Variants in ANGPTL2 observed in about 807,000 individuals in gnomAD.
ANGPTL2 encodes the protein angiopoietin-related protein 2.
A neutral mutation model predicts 52.8 loss-of-function variants in ANGPTL2; 25 were observed. The ratio of observed to expected loss-of-function variants is 0.47; its 90% CI spans 0.35 to 0.66. The LOEUF (loss-of-function observed/expected upper bound fraction) is 0.66. ANGPTL2 is among the 30% of genes least tolerant of loss of function. The probability of loss-of-function intolerance (pLI) is 0.01; values close to 1 mark genes in which losing one functional copy is unlikely to be tolerated. For synonymous variants in ANGPTL2, 276 were observed against 277.4 expected, an observed-to-expected ratio of 1.00 and a Z score of 0.05; for missense variants, 546 against 656.9, an observed-to-expected ratio of 0.83 and a Z score of 1.84.
rs527550287 is a variant in ANGPTL2, at chr9:127,092,108, A to G, written c.1012-168T>C. On this transcript the variant is annotated intron_variant, in intron 3 of 4. Transcript: ENST00000373425. ...ACCTCTTAATCTCTCCATGACTCAC[A>G]CATTATTCAAAAATATGTAGAGTGC... Among the ~76,000 whole-genome samples, 28 of 152,294 alleles carry G rather than the reference A, an allele frequency of 1.8e-4. No individual in the cohort carries two copies. In the South Asian group the frequency reaches 2.3e-3, roughly 12 times the overall value.
At chr9:127,118,314 T>G (rs1302800485) in intron 1 of ANGPTL2, among the ~76,000 whole-genome samples, 1 of 152,200 alleles carries the variant, frequency 6.6e-6, no homozygotes, top group Non-Finnish European at 1.5e-5. Flanking sequence ...AACACAGTTT[T>G]GTCATAGAAA....
intron 3 of ANGPTL2, 126 bp downstream of exon 3, chr9:127,093,607 G>T: frequency 8.5e-7 from 1 of 1,177,030 alleles, no homozygotes; most frequent in Non-Finnish European, 1.2e-6. Context: ...GTGTTGTTGG[G>T]GCCGCACAGG....
intron 1 of ANGPTL2, among the ~76,000 whole-genome samples, chr9:127,112,938 A>ACTAGTG (rs2054998436): frequency 6.6e-6 from 1 of 152,180 alleles, no homozygotes; most frequent in African/African-American, 2.4e-5. Context: ...TGTTATGCCC[A>ACTAGTG]TTTCTAGGCT....
intron 2 of ANGPTL2, among the ~76,000 whole-genome samples, chr9:127,104,125 C>G (rs2053997467): frequency 6.6e-6 from 1 of 152,136 alleles, no homozygotes; most frequent in Non-Finnish European, 1.5e-5. Context: ...TTTTATGGCC[C>G]CTTCTTCTTC....
rs768611385 is a variant in ANGPTL2 at position 127,108,064 on chromosome 9, C to T, written c.668G>A (p.Arg223Gln). ...VPQPPPAAPP[R>Q]VYQPPTYNRI... ...GTTGTAGGTGGGTGGTTGGTAGACCCGGGGCGGGGCAGCGGGGGGTGGCTG... is the reference window on the plus strand; with the variant it reads ...GTTGTAGGTGGGTGGTTGGTAGACCTGGGGCGGGGCAGCGGGGGGTGGCTG... Residue 223 changes from arginine to glutamine, a missense_variant, in exon 2 of 5, where the codon CGG becomes CAG. Arg to Gln is a conservative substitution (Grantham distance 43, BLOSUM62 1). This residue lies in a region of ANGPTL2 where 285 missense variants were observed against 295.8 expected (regional missense o/e 0.96). Coordinates refer to ENST00000373425, the MANE Select transcript of ANGPTL2 (RefSeq NM_012098.3). 25 of 924,476 alleles carry T rather than the reference C, an allele frequency of 2.7e-5. No individual in the cohort carries two copies. In the East Asian group the frequency reaches 2.9e-4, roughly 11 times the overall value. The allele number at this position is 924,476 out of a possible 1,614,324, so 57.3% of individuals were successfully genotyped here.
intron 1 of ANGPTL2, 73 bp from the exon 2 acceptor site, chr9:127,108,853 G>A: frequency 9.1e-7 from 1 of 1,101,956 alleles, no homozygotes; most frequent in Non-Finnish European, 1.3e-6. Context: ...AGTGATCCCA[G>A]CCTTCTCGCC....
chr9:127,101,389 C>G (rs1368611543), intron 2 of ANGPTL2, among the ~76,000 whole-genome samples: 1 of 152,166 alleles, frequency 6.6e-6, no homozygotes, highest in Non-Finnish European at 1.5e-5. Flanking sequence ...ATCTGTGTCC[C>G]CATAAGACTG....
chr9:127,119,110 G>A (rs893060873), intron 1 of ANGPTL2, among the ~76,000 whole-genome samples: 2 of 152,156 alleles, frequency 1.3e-5, no homozygotes, highest in East Asian at 1.9e-4. Context: ...AGACAGTATC[G>A]CAGAGCACCC....
At chr9:127,089,999 G>A (rs1185277117) in intron 4 of ANGPTL2, among the ~76,000 whole-genome samples, 3 of 152,236 alleles carry the variant, frequency 2.0e-5, no homozygotes, top group Admixed American at 6.5e-5. Flanking sequence ...GGCCGAGGCC[G>A]TGGGATGAGG....
At chr9:127,121,644 G>A (rs978985128) in intron 1 of ANGPTL2, among the ~76,000 whole-genome samples, 10 of 152,196 alleles carry the variant, frequency 6.6e-5, no homozygotes, top group African/African-American at 2.4e-4. Context: ...CTGTCCCCTT[G>A]CGGGGGTACC....
At chr9:127,092,070 A>AT in intron 3 of ANGPTL2, 130 bp from the exon 4 acceptor site, 5 of 1,092,536 alleles carry the variant, frequency 4.6e-6, no homozygotes, top group Non-Finnish European at 5.3e-6. Context: ...GACCTGGTTC[A>AT]GACCCCTACT....
intron 2 of ANGPTL2, among the ~76,000 whole-genome samples, chr9:127,106,643 C>T (rs1170162194): frequency 6.6e-6 from 1 of 152,206 alleles, no homozygotes. Flanking sequence ...CGCCTGCTCT[C>T]AATCCTGCAC....
chr9:127,117,598 C>T (rs1211344245), intron 1 of ANGPTL2, among the ~76,000 whole-genome samples: 1 of 152,216 alleles, frequency 6.6e-6, no homozygotes, highest in East Asian at 1.9e-4. Context: ...GGCACCTGAC[C>T]TAGCCTCAGA....
chr9:127,089,773 A>G (rs2052234965), intron 4 of ANGPTL2, among the ~76,000 whole-genome samples: 1 of 152,240 alleles, frequency 6.6e-6, no homozygotes, highest in Admixed American at 6.5e-5. Context: ...AAGGACAAGC[A>G]GTTCAGAACA....
chr9:127,111,495 A>T (rs2054807290), intron 1 of ANGPTL2, among the ~76,000 whole-genome samples: 1 of 152,234 alleles, frequency 6.6e-6, no homozygotes, highest in Admixed American at 6.5e-5. Flanking sequence ...ACCTGCCAAC[A>T]GCTGCTGAGC....
At chr9:127,119,129 G>A (rs900268192) in intron 1 of ANGPTL2, among the ~76,000 whole-genome samples, 3 of 152,160 alleles carry the variant, frequency 2.0e-5, no homozygotes, top group Non-Finnish European at 4.4e-5. Context: ...CCAGGCACGT[G>A]GAACAAGTCA....
intron 2 of ANGPTL2, among the ~76,000 whole-genome samples, chr9:127,106,583 C>T (rs1264780197): frequency 6.6e-6 from 1 of 152,190 alleles, no homozygotes; most frequent in Non-Finnish European, 1.5e-5. Flanking sequence ...TGTCCCAGAG[C>T]TAATCAGTGG....
At chr9:127,121,870 C>T (rs2056130432) in intron 1 of ANGPTL2, among the ~76,000 whole-genome samples, 1 of 152,178 alleles carries the variant, frequency 6.6e-6, no homozygotes, top group African/African-American at 2.4e-5. Context: ...GCCTTTGCCT[C>T]ACATTGTCCC....
chr9:127,112,111 TAA>T (rs2054875685), intron 1 of ANGPTL2, among the ~76,000 whole-genome samples: 1 of 152,144 alleles, frequency 6.6e-6, no homozygotes, highest in Non-Finnish European at 1.5e-5. Flanking sequence ...GTTTTCCACT[TAA>T]ATGACAAAGC....
Sources: gnomAD v4.1 joint callset for allele counts (sites outside exome capture counted in the v4.1 genomes callset) on GRCh38, gnomAD v4.1.1 for gene constraint, gnomAD v4.1.1 regional missense constraint, MANE v1.5 for transcripts, NCBI Gene and HGNC (gene_info 2026-07-23, HGNC 2026-07-21) for gene names.